PCDHGA5: variants seen among roughly 807,000 people sequenced by gnomAD.
The protein encoded by PCDHGA5 is protocadherin gamma subfamily A, 5.
In PCDHGA5, 36 loss-of-function variants were observed where a neutral mutation model predicts 56.7. The observed-to-expected ratio is 0.64, with a 90% CI of 0.49 to 0.84. The LOEUF (loss-of-function observed/expected upper bound fraction) is 0.84, where lower values mean the gene tolerates loss of function less well. PCDHGA5 is among the 40% of genes least tolerant of loss of function. The probability of loss-of-function intolerance (pLI) is 0.00; values close to 1 mark genes in which losing one functional copy is unlikely to be tolerated. For missense variants in PCDHGA5, 1,305 were observed against 1,201.5 expected, an observed-to-expected ratio of 1.09 and a Z score of -1.27; for synonymous variants, 563 against 520.2, an observed-to-expected ratio of 1.08 and a Z score of -1.12.
intron 1 of PCDHGA5, among the ~76,000 whole-genome samples, chr5:141,380,098 C>T (rs1242678914): frequency 1.3e-5 from 2 of 151,806 alleles, no homozygotes; most frequent in African/African-American, 4.8e-5. Context: ...TGGGGTTTTA[C>T]CATGATGGCC....
chr5:141,403,512 A>G (rs751429629), intron 1 of PCDHGA5: 2 of 1,614,020 alleles, frequency 1.2e-6, no homozygotes, highest in Non-Finnish European at 1.7e-6. Context: ...ACTGGAGACA[A>G]TGGAGCCATA....
rs900884760 is a variant in PCDHGA5, at chr5:141,414,031, C to T, written c.2421+47280C>T. ...CAATGGAGAAGTGACATATTCATTC[C>T]GAAAATTACCTGACACGCAATTGTT... On this transcript the variant is annotated intron_variant, in intron 1 of 3. Coordinates refer to ENST00000518069, the MANE Select transcript of PCDHGA5 (RefSeq NM_018918.3). 4 of 1,611,858 alleles carry T rather than the reference C, an allele frequency of 2.5e-6. No homozygotes were observed. The Admixed American group carries it at 6.7e-5, about 27-fold the overall frequency.
Position 141,486,674 on chromosome 5 carries a change from G to A in PCDHGA5, c.2422-8133G>A. On this transcript the variant is annotated intron_variant, in intron 1 of 3. Transcript: ENST00000518069. This position sits in a 1 kb window ranked among gnomAD's most constrained non-coding sequence, Gnocchi z 5.0. ...CTCACTCCTGGAGCCCAGGAATCGA[G>A]ATGTATCAGCTTCCTCTTTCATCTC... The A allele has an allele frequency of 1.9e-6, 3 of 1,614,080 alleles. No individual in the cohort carries two copies. Among genetic ancestry groups the A allele is most frequent in the Non-Finnish European group, 2.5e-6 (3 of 1,180,036 alleles).
chr5:141,397,816 A>G (rs1403683863), intron 1 of PCDHGA5, among the ~76,000 whole-genome samples: 2 of 152,230 alleles, frequency 1.3e-5, no homozygotes, highest in African/African-American at 4.8e-5. Context: ...CACAAAAACA[A>G]TTACTGCACT....
intron 2 of PCDHGA5, among the ~76,000 whole-genome samples, chr5:141,500,900 C>T (rs1309164700): frequency 4.0e-5 from 6 of 150,642 alleles, no homozygotes; most frequent in South Asian, 2.1e-4. Flanking sequence ...GAGACAGTCT[C>T]GCTCTGTCTC....
intron 1 of PCDHGA5, chr5:141,418,804 T>C (rs368948947): frequency 3.3e-5 from 54 of 1,613,718 alleles, no homozygotes; most frequent in African/African-American, 5.3e-5. Flanking sequence ...TAGAAAGATA[T>C]ACGATAAACA....
chr5:141,453,545 A>T (rs2098768582), intron 1 of PCDHGA5, among the ~76,000 whole-genome samples: 1 of 151,998 alleles, frequency 6.6e-6, no homozygotes, highest in African/African-American at 2.4e-5. Flanking sequence ...TTCACACCAC[A>T]CTCTGTAGAT....
intron 1 of PCDHGA5, chr5:141,393,628 G>A: frequency 6.2e-7 from 1 of 1,613,922 alleles, no homozygotes; most frequent in African/African-American, 1.3e-5. Context: ...CCGGATGAGG[G>A]AATCAACGGA....
At position 141,471,056 on chromosome 5, in the gene PCDHGA5, T is replaced by C. The variant is rs1367189715; in HGVS notation, c.2422-23751T>C. On this transcript the variant is annotated intron_variant, in intron 1 of 3. Coordinates refer to ENST00000518069, the MANE Select transcript of PCDHGA5 (RefSeq NM_018918.3). ...ACAAGCCCAAGCCCTCTTTTTTTTT[T>C]TTTTTTTTTTGAGACAGGGTCTCCC... Among the ~76,000 whole-genome samples, 581 of 150,056 alleles carry C rather than the reference T, an allele frequency of 3.9e-3. 6 individuals are homozygous for C. Among genetic ancestry groups the C allele is most frequent in the Admixed American group, 0.011 (167 of 15,092 alleles).
chr5:141,463,142 C>T (rs1229364880), intron 1 of PCDHGA5, among the ~76,000 whole-genome samples: 1 of 152,160 alleles, frequency 6.6e-6, no homozygotes, highest in Non-Finnish European at 1.5e-5. Context: ...CTTCGCCCAG[C>T]TGCAGAAAAG....
intron 1 of PCDHGA5, among the ~76,000 whole-genome samples, chr5:141,483,015 G>A (rs916071219): frequency 2.0e-5 from 3 of 152,044 alleles, no homozygotes; most frequent in African/African-American, 7.2e-5. Context: ...AACCCGGGAG[G>A]CAGAGGTTGC....
At chr5:141,383,304 G>A (rs1779007855) in intron 1 of PCDHGA5, 1 of 1,613,918 alleles carries the variant, frequency 6.2e-7, no homozygotes, top group Non-Finnish European at 8.5e-7. Context: ...GATTCTTGAC[G>A]GAAGAAATAA....
rs776975666 is a variant in PCDHGA5 at position 141,432,850 on chromosome 5, G to A, written c.2422-61957G>A. The A allele has an allele frequency of 6.2e-7, 1 of 1,614,170 alleles. No homozygotes were observed. The highest frequency in any genetic ancestry group is 1.1e-5 in the South Asian group (1 of 91,088). ...TCACTCTGTACCTGGTGGTAGCGGT[G>A]GCCGCGGTCTCCTGCGTCTTCCTGG... is the stretch of plus-strand genomic sequence containing the variant. On this transcript the variant is annotated intron_variant, in intron 1 of 3. Coordinates refer to ENST00000518069, the MANE Select transcript of PCDHGA5 (RefSeq NM_018918.3). The surrounding 1 kb of genome is among the most constrained non-coding windows in gnomAD (Gnocchi z 6.0).
rs189734474 is a variant in PCDHGA5, at chr5:141,512,858, G to T, written c.*1685G>T. 1 of 152,296 alleles carries T rather than the reference G, an allele frequency of 6.6e-6. No individual in the cohort carries two copies. The highest frequency in any genetic ancestry group is 1.9e-4 in the East Asian group (1 of 5,182). 9.4% of individuals were successfully genotyped at this position (152,296 alleles called of 1,614,324 possible). ...ACTTCTCCTATAAGCGCTTCTCTTC[G>T]CATAGTCACGTAGCTCCCACCCCAC... On this transcript the variant is annotated 3_prime_UTR_variant, in exon 4 of 4. Coordinates refer to ENST00000518069, the MANE Select transcript of PCDHGA5 (RefSeq NM_018918.3).
intron 1 of PCDHGA5, chr5:141,407,948 G>T (rs978962452): frequency 7.0e-6 from 4 of 572,054 alleles, no homozygotes; most frequent in Non-Finnish European, 1.1e-5. Flanking sequence ...GCCGCTGTCG[G>T]CCAGTGCAGA....
At position 141,477,068 on chromosome 5, in the gene PCDHGA5, C is replaced by A; in HGVS notation, c.2422-17739C>A. 6.2e-7 allele frequency: 1 copy of A among 1,614,268 alleles called. No homozygotes were observed. The highest frequency in any genetic ancestry group is 8.5e-7 in the Non-Finnish European group (1 of 1,180,046). On this transcript the variant is annotated intron_variant, in intron 1 of 3. Transcript: ENST00000518069. This position sits in a 1 kb window ranked among gnomAD's most constrained non-coding sequence, Gnocchi z 4.9. ...GCTGGACTTCGAGGACACCAAACTCCATGAGATTTACATCCAGGCCAAAGA... is the reference window on the plus strand; with the variant it reads ...GCTGGACTTCGAGGACACCAAACTCAATGAGATTTACATCCAGGCCAAAGA...
intron 1 of PCDHGA5, chr5:141,400,635 TG>T: frequency 7.3e-7 from 1 of 1,373,110 alleles, no homozygotes; most frequent in Non-Finnish European, 1.0e-6. Flanking sequence ...AAGTCAGAGC[TG>T]CTCAGAAAGC....
Position 141,427,760 on chromosome 5 carries a change from T to C in PCDHGA5, c.2421+61009T>C, listed in dbSNP as rs1464459008. On this transcript the variant is annotated intron_variant, in intron 1 of 3. Coordinates refer to ENST00000518069, the MANE Select transcript of PCDHGA5 (RefSeq NM_018918.3). The stretch of plus-strand genomic sequence containing the variant: ...AAGTCTCCTACTCCATCGTTACCAC[T>C]GACTTGGAGCTGCGGGCACTGTCGT... The C allele has an allele frequency of 4.4e-6, 6 of 1,360,822 alleles. No individual in the cohort carries two copies. The Admixed American group carries it at 5.1e-5, about 12-fold the overall frequency. 84.3% of individuals were successfully genotyped at this position (1,360,822 alleles called of 1,614,324 possible).
chr5:141,395,409 T>G, intron 1 of PCDHGA5: 1 of 813,990 alleles, frequency 1.2e-6, no homozygotes, highest in East Asian at 2.8e-5. Context: ...AGTCATAGGT[T>G]ATTGTTTCAT....
Sources: gnomAD v4.1 joint callset for allele counts (sites outside exome capture counted in the v4.1 genomes callset) on GRCh38, gnomAD v4.1.1 for gene constraint, Gnocchi (gnomAD v3.1) non-coding constraint, MANE v1.5 for transcripts, NCBI Gene and HGNC (gene_info 2026-07-23, HGNC 2026-07-21) for gene names.